Variants in C3orf33 observed in about 807,000 individuals in gnomAD.
C3orf33 encodes AP-1 activity suppressor.
Under a neutral mutation model 28.7 loss-of-function variants are expected in C3orf33, and 23 were observed. The observed-to-expected ratio is 0.80, with a 90% CI of 0.58 to 1.13. The LOEUF (loss-of-function observed/expected upper bound fraction) is 1.13, where lower values mean the gene tolerates loss of function less well. Among genes scored for constraint, C3orf33 ranks in the 50% most tolerant of loss-of-function variants. The pLI is 0.00. For synonymous variants in C3orf33, 119 were observed against 120.5 expected, an observed-to-expected ratio of 0.99 and a Z score of 0.08; for missense variants, 327 against 353.4, an observed-to-expected ratio of 0.93 and a Z score of 0.60.
intron 2 of C3orf33, among the ~76,000 whole-genome samples, chr3:155,800,712 G>GAACTCCTAAAATTCAACAACAAAAAAACA (rs1438072054): frequency 7.7e-5 from 10 of 130,710 alleles, no homozygotes; most frequent in Non-Finnish European, 1.3e-4. Context: ...AGAATGTACA[G>GAACTCCTAAAATTCAACAACAAAAAAACA]AACTCCTAAA....
At chr3:155,780,080 G>A (rs1466404707) in intron 2 of C3orf33, among the ~76,000 whole-genome samples, 3 of 152,116 alleles carry the variant, frequency 2.0e-5, no homozygotes, top group African/African-American at 4.8e-5. Context: ...ACATGAATAG[G>A]TTTAAAATAA....
chr3:155,805,688 G>C (rs896070849), intron 1 of C3orf33: 1 of 455,648 alleles, frequency 2.2e-6, no homozygotes, highest in Non-Finnish European at 4.4e-6. Flanking sequence ...TCGTGCCACT[G>C]CACTCCAGCT....
At chr3:155,798,777 T>C (rs1280384356) in intron 2 of C3orf33, among the ~76,000 whole-genome samples, 1 of 152,080 alleles carries the variant, frequency 6.6e-6, no homozygotes, top group Non-Finnish European at 1.5e-5. Flanking sequence ...AACAGGATCA[T>C]ATCAAGTTAA....
chr3:155,792,125 A>G (rs1487395774), intron 2 of C3orf33, among the ~76,000 whole-genome samples: 1 of 152,156 alleles, frequency 6.6e-6, no homozygotes, highest in African/African-American at 2.4e-5. Context: ...GCACCTTGAC[A>G]CAGACAGAGA....
intron 2 of C3orf33, among the ~76,000 whole-genome samples, chr3:155,779,921 G>C (rs1199296453): frequency 6.6e-6 from 1 of 152,156 alleles, no homozygotes; most frequent in African/African-American, 2.4e-5. Flanking sequence ...AGCTCACAGT[G>C]TATGTGAGAA....
intron 1 of C3orf33, among the ~76,000 whole-genome samples, chr3:155,804,851 G>A (rs1456469502): frequency 3.3e-5 from 5 of 152,056 alleles, no homozygotes; most frequent in Admixed American, 6.6e-5. Context: ...CTTCAACACC[G>A]GACCCCATAT....
At chr3:155,800,610 CAAAAAAAAAAAAAAAAA>C (rs58092818) in intron 2 of C3orf33, among the ~76,000 whole-genome samples, 3 of 15,622 alleles carry the variant, frequency 1.9e-4, no homozygotes, top group Non-Finnish European at 2.5e-4. Context: ...ACCTTATCTC[CAAAAAAAAAAAAAAAAA>C]AAAAAAAAAA....
At chr3:155,783,557 C>A (rs1489715397) in intron 2 of C3orf33, among the ~76,000 whole-genome samples, 1 of 150,446 alleles carries the variant, frequency 6.6e-6, no homozygotes, top group Non-Finnish European at 1.5e-5. Flanking sequence ...ATTTCTGCTT[C>A]CCAGGTTCAA....
At chr3:155,779,678 A>G (rs1353452654) in intron 2 of C3orf33, among the ~76,000 whole-genome samples, 1 of 152,216 alleles carries the variant, frequency 6.6e-6, no homozygotes, top group East Asian at 1.9e-4. Context: ...CCTGGAAACC[A>G]TATCACCCAG....
At chr3:155,799,847 G>T (rs535418860) in intron 2 of C3orf33, among the ~76,000 whole-genome samples, 1 of 152,266 alleles carries the variant, frequency 6.6e-6, no homozygotes, top group Admixed American at 6.5e-5. Context: ...TCACTTATTT[G>T]AGGGAACTAA....
At chr3:155,764,979 A>C (rs919254189) in intron 4 of C3orf33, among the ~76,000 whole-genome samples, 2 of 152,236 alleles carry the variant, frequency 1.3e-5, no homozygotes, top group African/African-American at 4.8e-5. Flanking sequence ...TTTTTAGTAC[A>C]TGATAACAGT....
At chr3:155,781,937 G>A (rs1488923167) in intron 2 of C3orf33, among the ~76,000 whole-genome samples, 2 of 151,688 alleles carry the variant, frequency 1.3e-5, no homozygotes, top group Non-Finnish European at 2.9e-5. Context: ...TTAGCCGGGT[G>A]TGGTGGCATG....
At chr3:155,794,816 G>T (rs980983917) in intron 2 of C3orf33, among the ~76,000 whole-genome samples, 1 of 152,010 alleles carries the variant, frequency 6.6e-6, no homozygotes, top group East Asian at 1.9e-4. Flanking sequence ...GACAAAGAAG[G>T]TCATTATATA....
chr3:155,802,929 A>AT (rs1751693592), intron 1 of C3orf33, among the ~76,000 whole-genome samples: 1 of 152,138 alleles, frequency 6.6e-6, no homozygotes, highest in Non-Finnish European at 1.5e-5. Context: ...ATATGTATAT[A>AT]GTATTGGATT....
At chr3:155,777,182 T>C (rs1750775948) in intron 2 of C3orf33, among the ~76,000 whole-genome samples, 1 of 151,802 alleles carries the variant, frequency 6.6e-6, no homozygotes, top group African/African-American at 2.4e-5. Context: ...GGCGTGGTGG[T>C]GCATGCCTGT....
At position 155,762,665 on chromosome 3, in the gene C3orf33, TG is replaced by T. The variant is rs1348006143; in HGVS notation, c.*851del. 1.3e-5 allele frequency: 2 copies of T among 152,126 alleles called. No individual in the cohort carries two copies. The highest frequency in any genetic ancestry group is 2.9e-5 in the Non-Finnish European group (2 of 68,030). 9.4% of individuals were successfully genotyped at this position (152,126 alleles called of 1,614,324 possible). ...TATAAATAGTGAAAGGTAATAAAAC[TG>T]GAAACATAAACACATATCTTTTCTA... is the stretch of plus-strand genomic sequence containing the variant. On this transcript the variant is annotated 3_prime_UTR_variant, in exon 5 of 5. Transcript: ENST00000340171.
intron 3 of C3orf33, among the ~76,000 whole-genome samples, chr3:155,771,017 CTGTGTG>C (rs71138678): frequency 0.32 from 34,781 of 109,372 alleles, 5,984 homozygotes; most frequent in Non-Finnish European, 0.37. Context: ...TGCTCTGCCA[CTGTGTG>C]TGTGTGTGTG....
In C3orf33 at chr3:155,803,548, G is replaced by A. The variant is rs532731223; in HGVS notation, c.115-957C>T. On this transcript the variant is annotated intron_variant, in intron 1 of 4. Coordinates refer to ENST00000340171, the MANE Select transcript of C3orf33 (RefSeq NM_001308229.2). ...CCACTGCACTCCAGCCTGGGTAACA[G>A]AGTGAGACTCAGTCTCAAAAAAAAA... Among the ~76,000 whole-genome samples the A allele has an allele frequency of 1.6e-3, 185 of 117,422 alleles. 3 individuals are homozygous for A. The highest frequency in any genetic ancestry group is 5.1e-3 in the African/African-American group (157 of 30,782). The allele number at this position is 117,422 out of a possible 152,430, so 77.0% of individuals were successfully genotyped here. A position where few individuals can be genotyped will look rare whatever the true frequency, so the allele number is the denominator to read the frequency against.
At chr3:155,784,683 A>T (rs145136692) in intron 2 of C3orf33, among the ~76,000 whole-genome samples, 3,008 of 151,974 alleles carry the variant, frequency 0.02, 98 homozygotes, top group African/African-American at 0.069. Context: ...CCGAGATGGC[A>T]CCACTGCACT....
Sources: allele counts gnomAD v4.1 joint callset (sites outside exome capture counted in the v4.1 genomes callset), GRCh38; gene constraint gnomAD v4.1.1; transcripts MANE v1.5; gene names NCBI Gene and HGNC (gene_info 2026-07-23, HGNC 2026-07-21).